The following ZNF621 variants were observed in gnomAD, a reference collection of about 807,000 sequenced individuals.
ZNF621 encodes the protein zinc finger protein 621.
A neutral mutation model predicts 12.7 loss-of-function variants in ZNF621; 6 were observed. That is an observed-to-expected ratio of 0.47 (90% CI 0.26 to 0.93). ZNF621 has a LOEUF of 0.93. ZNF621 is among the 40% of genes least tolerant of loss of function. ZNF621 has a pLI of 0.15. For synonymous variants in ZNF621, 156 were observed against 190.3 expected (o/e 0.82, Z 1.48); for missense variants, 474 against 524.0 (o/e 0.90, Z 0.93).
At chr3:40,530,054 G>C (rs1051395490) in intron 3 of ZNF621, among the ~76,000 whole-genome samples, 155 bp from the exon 4 acceptor site, 1 of 151,994 alleles carries the variant, frequency 6.6e-6, no homozygotes, top group African/African-American at 2.4e-5. Flanking sequence ...GCTTTATCGT[G>C]GAGCACAGTT....
rs78652872 is a variant in ZNF621 at position 40,529,110 on chromosome 3, G to A, written c.25-209G>A. On this transcript the variant is annotated intron_variant, in intron 2 of 4. Transcript: ENST00000339296. Reference sequence around the variant, plus strand: ...TTACGGGCTCCAGAGCTGGGTAGATGGGAGAGTGTTGGGGCTCCCCATTTG... The same window carrying A: ...TTACGGGCTCCAGAGCTGGGTAGATAGGAGAGTGTTGGGGCTCCCCATTTG... Among the ~76,000 whole-genome samples the A allele has an allele frequency of 3.9e-5, 6 of 152,322 alleles. No individual in the cohort carries two copies. The East Asian group carries it at 1.2e-3, about 29-fold the overall frequency.
At position 40,539,159 on chromosome 3, in the gene ZNF621, G is replaced by A. The variant is rs1454503590; in HGVS notation, c.*6069G>A. 2.5e-5 allele frequency: 4 copies of A among 157,056 alleles called. No individual in the cohort carries two copies. Among genetic ancestry groups the A allele is most frequent in the South Asian group, 2.0e-4 (1 of 4,964 alleles). The allele number at this position is 157,056 out of a possible 1,614,324, so 9.7% of individuals were successfully genotyped here. ...GATAAAACAGCAGCAGAGTTTGAGA[G>A]GATTGACTTCAATTTTGAAGAATGT... On this transcript the variant is annotated 3_prime_UTR_variant, in exon 5 of 5. Coordinates refer to ENST00000339296, the MANE Select transcript of ZNF621 (RefSeq NM_198484.5).
chr3:40,530,062 G>T (rs758541911), intron 3 of ZNF621, 147 bp from the exon 4 acceptor site: 5 of 623,834 alleles, frequency 8.0e-6, no homozygotes, highest in Middle Eastern at 6.6e-4. Flanking sequence ...GTGGAGCACA[G>T]TTTGGACCTC....
upstream of ZNF621, among the ~76,000 whole-genome samples, chr3:40,524,663 AG>A (rs1698531943): frequency 6.6e-6 from 1 of 152,062 alleles, no homozygotes; most frequent in African/African-American, 2.4e-5. Context: ...CCAACAGCTG[AG>A]GCGCAGCCCG....
rs899335938 is a variant in ZNF621, at chr3:40,537,421, G to C, written c.*4331G>C. 6.6e-6 allele frequency: 1 copy of C among 152,190 alleles called. No homozygotes were observed. The highest frequency in any genetic ancestry group is 1.9e-4 in the East Asian group (1 of 5,182). 9.4% of individuals were successfully genotyped at this position (152,190 alleles called of 1,614,324 possible). A position where few individuals can be genotyped will look rare whatever the true frequency, so the allele number is the denominator to read the frequency against. On this transcript the variant is annotated 3_prime_UTR_variant, in exon 5 of 5. Transcript: ENST00000339296. ...GTCCGAGACCAGCTTGGGCCACAAA[G>C]TGAGACCCCTGTCTCTACAAAAAAT...
intron 1 of ZNF621, 184 bp downstream of exon 1, chr3:40,525,458 C>A: frequency 2.8e-6 from 1 of 353,722 alleles, no homozygotes; most frequent in Non-Finnish European, 5.1e-6. Context: ...CGTCATCGTC[C>A]CTGTAAGCAT....
rs544597995 is a variant in ZNF621, at chr3:40,538,099, T to C, written c.*5009T>C. Among the ~76,000 whole-genome samples the C allele has an allele frequency of 2.0e-5, 3 of 152,332 alleles. No homozygotes were observed. In the South Asian group the frequency reaches 6.2e-4, roughly 32 times the overall value. ...ATCCTAGGGCCCATAAGAATTATGC[T>C]AAATCCACTCTGCCTGTGCTCTAGA... On this transcript the variant is annotated 3_prime_UTR_variant, in exon 5 of 5. Coordinates refer to ENST00000339296, the MANE Select transcript of ZNF621 (RefSeq NM_198484.5).
In ZNF621 at chr3:40,533,152, T is replaced by C; in HGVS notation, c.*62T>C. ...CAAATCTCCAGCCTAATTTTATATA[T>C]TTTTTTGAGAAAGGGTCTTGCTCTG... On this transcript the variant is annotated 3_prime_UTR_variant, in exon 5 of 5. Coordinates refer to ENST00000339296, the MANE Select transcript of ZNF621 (RefSeq NM_198484.5). 6.7e-7 allele frequency: 1 copy of C among 1,501,550 alleles called. No individual in the cohort carries two copies. 93.0% of individuals were successfully genotyped at this position (1,501,550 alleles called of 1,614,324 possible).
chr3:40,525,305 T>A (rs1369486574), intron 1 of ZNF621, 31 bp downstream of exon 1: 1 of 160,470 alleles, frequency 6.2e-6, no homozygotes, highest in African/African-American at 2.4e-5. Context: ...TGGGGTTGCC[T>A]GTTTTCTTGG....
At chr3:40,531,035 A>G (rs1372912857) in intron 4 of ZNF621, among the ~76,000 whole-genome samples, 4 of 152,214 alleles carry the variant, frequency 2.6e-5, no homozygotes, top group Non-Finnish European at 5.9e-5. Flanking sequence ...TCACACATTT[A>G]TGCTTTTGTA....
rs1418390104 is a variant in ZNF621 at position 40,536,334 on chromosome 3, T to G, written c.*3244T>G. 3.3e-5 allele frequency: 5 copies of G among 152,228 alleles called. No individual in the cohort carries two copies. The highest frequency in any genetic ancestry group is 5.9e-5 in the Non-Finnish European group (4 of 68,058). 9.4% of individuals were successfully genotyped at this position (152,228 alleles called of 1,614,324 possible). ...GGCAGCCTCAAGTGATCCACCCACC[T>G]CGGTCTCCCAAAGTGTTGGGATTAC... On this transcript the variant is annotated 3_prime_UTR_variant, in exon 5 of 5. Coordinates refer to ENST00000339296, the MANE Select transcript of ZNF621 (RefSeq NM_198484.5).
chr3:40,530,366 T>TA (rs1469774807), intron 4 of ZNF621, 50 bp downstream of exon 4: 2 of 1,470,954 alleles, frequency 1.4e-6, no homozygotes, highest in Non-Finnish European at 1.9e-6. Flanking sequence ...CTTCCTGGTT[T>TA]ACTAGGTAAG....
In ZNF621 at chr3:40,537,903, A is replaced by C. The variant is rs1698906567; in HGVS notation, c.*4813A>C. ...GAAGTTGCTACACCACGAGATTTTC[A>C]GTGTATTCCAAACAGCCTTCTTTTG... On this transcript the variant is annotated 3_prime_UTR_variant, in exon 5 of 5. Transcript: ENST00000339296. Among the ~76,000 whole-genome samples the C allele has an allele frequency of 6.6e-6, 1 of 152,244 alleles. No individual in the cohort carries two copies. The highest frequency in any genetic ancestry group is 2.4e-5 in the African/African-American group (1 of 41,464).
Position 40,530,191 on chromosome 3 carries a change from T to C in ZNF621, c.152-18T>C. 1.2e-6 allele frequency: 2 copies of C among 1,608,424 alleles called. No individual in the cohort carries two copies. The highest frequency in any genetic ancestry group is 2.2e-5 in the East Asian group (1 of 44,830). Reference sequence around the variant, plus strand: ...TGGACGTCTCCCCTCAATTTGTCTTTCTCTTTTCTTCATGAAGTAGCGTTT... The same window carrying C: ...TGGACGTCTCCCCTCAATTTGTCTTCCTCTTTTCTTCATGAAGTAGCGTTT... On this transcript the variant is annotated intron_variant, in intron 3 of 4. Transcript: ENST00000339296.
chr3:40,537,967 G>A lies in ZNF621; in HGVS notation c.*4877G>A, dbSNP rs1049970297. ...TCTAGGACTTTCATGGAGAAGAGAA[G>A]TTAATCCCTGGCTTAAAAGCATCAA... On this transcript the variant is annotated 3_prime_UTR_variant, in exon 5 of 5. Transcript: ENST00000339296. 2.6e-5 allele frequency among the ~76,000 whole-genome samples: 4 copies of A among 152,200 alleles called. No individual in the cohort carries two copies. The highest frequency in any genetic ancestry group is 5.9e-5 in the Non-Finnish European group (4 of 68,038).
At position 40,533,366 on chromosome 3, in the gene ZNF621, C is replaced by A; in HGVS notation, c.*276C>A. 2.4e-6 allele frequency: 1 copy of A among 412,032 alleles called. No individual in the cohort carries two copies. The allele number at this position is 412,032 out of a possible 1,614,324, so 25.5% of individuals were successfully genotyped here. A position where few individuals can be genotyped will look rare whatever the true frequency, so the allele number is the denominator to read the frequency against. ...ATCTTGGCCAGGCTGGTCTCAAACACCTGACCTCAAGTGATCCGCCTGCCT... is the reference window on the plus strand; with the variant it reads ...ATCTTGGCCAGGCTGGTCTCAAACAACTGACCTCAAGTGATCCGCCTGCCT... On this transcript the variant is annotated 3_prime_UTR_variant, in exon 5 of 5. Coordinates refer to ENST00000339296, the MANE Select transcript of ZNF621 (RefSeq NM_198484.5).
chr3:40,532,264 A>G lies in ZNF621; in HGVS notation c.494A>G (p.Lys165Arg). The G allele has an allele frequency of 6.2e-7, 1 of 1,613,876 alleles. No homozygotes were observed. ...ECGKIFRYNS[K>R]LIRHQMSHTG... ...GGGAAAATCTTCCGATATAACTCAAAGCTTATTCGGCATCAGATGAGTCAT... is the reference window on the plus strand; with the variant it reads ...GGGAAAATCTTCCGATATAACTCAAGGCTTATTCGGCATCAGATGAGTCAT... The change falls in exon 5 of 5, where the codon AAG (lysine) becomes AGG (arginine). Residue 165 changes from lysine to arginine, a missense_variant. Transcript: ENST00000339296.
Position 40,530,154 on chromosome 3 carries a change from C to T in ZNF621, c.152-55C>T. On this transcript the variant is annotated intron_variant, in intron 3 of 4. Coordinates refer to ENST00000339296, the MANE Select transcript of ZNF621 (RefSeq NM_198484.5). ...ATGGAGGGTGGGCTGAGAAAGATCC[C>T]AGGAATAGCTCTGGACGTCTCCCCT... 3.4e-6 allele frequency: 5 copies of T among 1,481,302 alleles called. No homozygotes were observed. The East Asian group carries it at 1.1e-4, about 34-fold the overall frequency. The allele number at this position is 1,481,302 out of a possible 1,614,324, so 91.8% of individuals were successfully genotyped here.
Position 40,532,226 on chromosome 3 carries a change from A to G in ZNF621, c.456A>G (p.Glu152=). The G allele has an allele frequency of 1.2e-6, 2 of 1,614,198 alleles. No homozygotes were observed. The highest frequency in any genetic ancestry group is 1.1e-5 in the South Asian group (1 of 91,086). ...LILRGGMKFY[E]CKECGKIFRY... ...TTCGAGGTGGAATGAAGTTCTATGA[A>G]TGTAAAGAATGTGGGAAAATCTTCC... Residue 152 remains glutamate (E), a synonymous_variant, in exon 5 of 5, where the codon GAA becomes GAG. Coordinates refer to ENST00000339296, the MANE Select transcript of ZNF621 (RefSeq NM_198484.5).
Sources: allele counts gnomAD v4.1 joint callset (sites outside exome capture counted in the v4.1 genomes callset), GRCh38; gene constraint gnomAD v4.1.1; transcripts MANE v1.5; gene names NCBI Gene and HGNC (gene_info 2026-07-23, HGNC 2026-07-21).